Variants in PDE4D observed in about 807,000 individuals in gnomAD.
The protein encoded by PDE4D is phosphodiesterase 4D, also known as 3',5'-cyclic-AMP phosphodiesterase 4D.
In PDE4D, 24 loss-of-function variants were observed where a neutral mutation model predicts 87.4. That is an observed-to-expected ratio of 0.27 (90% CI 0.20 to 0.39). PDE4D has a LOEUF of 0.39. Ranked by LOEUF, PDE4D falls within the 10% of genes least tolerant of loss-of-function variation. The pLI is 1.00. For missense variants in PDE4D, 714 were observed against 1,041.0 expected (o/e 0.69, Z 4.32); for synonymous variants, 384 against 383.2 (o/e 1.00, Z -0.02).
intron 2 of PDE4D, among the ~76,000 whole-genome samples, chr5:60,037,696 G>C (rs900012692): frequency 1.3e-5 from 2 of 152,162 alleles, no homozygotes; most frequent in African/African-American, 4.8e-5. Context: ...AGGGAGACAG[G>C]TAGCACATCT....
intron 1 of PDE4D, among the ~76,000 whole-genome samples, chr5:59,540,597 T>C (rs770699989): frequency 1.3e-5 from 2 of 152,124 alleles, no homozygotes; most frequent in Admixed American, 6.5e-5. Context: ...CCTGGAACAA[T>C]GAGGGCCCAC....
chr5:60,060,166 G>A (rs2152886981), intron 2 of PDE4D, among the ~76,000 whole-genome samples: 1 of 152,046 alleles, frequency 6.6e-6, no homozygotes, highest in East Asian at 1.9e-4. Context: ...CCATCACAAA[G>A]TTCTCTCTCT....
At chr5:60,062,497 GAC>G (rs1453400278) in intron 2 of PDE4D, among the ~76,000 whole-genome samples, 1 of 152,162 alleles carries the variant, frequency 6.6e-6, no homozygotes, top group African/African-American at 2.4e-5. Context: ...CATTGTGGAA[GAC>G]AGTGTGGCAA....
chr5:59,767,850 A>G (rs1368338643), intron 1 of PDE4D, among the ~76,000 whole-genome samples: 1 of 152,034 alleles, frequency 6.6e-6, no homozygotes, highest in Admixed American at 6.6e-5. Context: ...GCAAACTATG[A>G]TTTTCCTCCC....
intron 6 of PDE4D, among the ~76,000 whole-genome samples, chr5:58,997,448 T>C (rs1398639401): frequency 6.6e-6 from 1 of 152,166 alleles, no homozygotes; most frequent in Non-Finnish European, 1.5e-5. Context: ...TTAAAGCTAA[T>C]ACAATGTATT....
At chr5:60,423,922 A>T (rs1583709337) in intron 1 of PDE4D, among the ~76,000 whole-genome samples, 1 of 152,214 alleles carries the variant, frequency 6.6e-6, no homozygotes, top group East Asian at 1.9e-4. Flanking sequence ...TACACAAATA[A>T]ACTAGAAAAT....
At chr5:59,011,494 T>C (rs1164281919) in intron 6 of PDE4D, among the ~76,000 whole-genome samples, 1 of 152,182 alleles carries the variant, frequency 6.6e-6, no homozygotes, top group Non-Finnish European at 1.5e-5. Context: ...AACTACATGA[T>C]GCATTCACAA....
chr5:60,127,735 C>A, intron 2 of PDE4D: 1 of 560,158 alleles, frequency 1.8e-6, no homozygotes, highest in Non-Finnish European at 3.2e-6. Context: ...TAAAATGCCT[C>A]TGAAACACTC....
At chr5:59,141,634 T>A (rs1777900292) in intron 5 of PDE4D, among the ~76,000 whole-genome samples, 2 of 152,182 alleles carry the variant, frequency 1.3e-5, no homozygotes, top group Admixed American at 1.3e-4. Flanking sequence ...ATTTGAAACA[T>A]CTCTTCTGTC....
At chr5:59,207,174 G>A (rs891188551) in intron 2 of PDE4D, among the ~76,000 whole-genome samples, 1 of 151,948 alleles carries the variant, frequency 6.6e-6, no homozygotes, top group Non-Finnish European at 1.5e-5. Context: ...ATAATAGAGT[G>A]AGACTCTGTC....
At chr5:60,078,306 T>C (rs1533020) in intron 2 of PDE4D, among the ~76,000 whole-genome samples, 75,414 of 152,040 alleles carry the variant, frequency 0.5, 19,154 homozygotes, top group East Asian at 0.83. Flanking sequence ...CTAATATAGG[T>C]ATTTATCACT....
At chr5:60,199,237 A>G (rs955992392) in intron 1 of PDE4D, among the ~76,000 whole-genome samples, 4 of 151,756 alleles carry the variant, frequency 2.6e-5, no homozygotes, top group African/African-American at 7.2e-5. Flanking sequence ...AAGGCTCTGA[A>G]TATAGAGAAA....
chr5:60,043,740 T>C (rs1768806711), intron 2 of PDE4D, among the ~76,000 whole-genome samples: 1 of 152,196 alleles, frequency 6.6e-6, no homozygotes, highest in Non-Finnish European at 1.5e-5. Flanking sequence ...TTCTTTTCTT[T>C]ACGTAGATTT....
At chr5:59,397,171 C>G (rs1336555843) in intron 1 of PDE4D, among the ~76,000 whole-genome samples, 2 of 117,404 alleles carry the variant, frequency 1.7e-5, no homozygotes, top group African/African-American at 3.4e-5. Context: ...GACAGATCAA[C>G]GAGACAGAAA....
At chr5:59,563,521 G>C (rs76777355) in intron 1 of PDE4D, among the ~76,000 whole-genome samples, 7 of 152,236 alleles carry the variant, frequency 4.6e-5, no homozygotes, top group Admixed American at 4.6e-4. Flanking sequence ...GTGACCATTA[G>C]TGAGTGGTCA....
At chr5:60,253,246 G>T (rs1024236410) in intron 1 of PDE4D, among the ~76,000 whole-genome samples, 1 of 151,842 alleles carries the variant, frequency 6.6e-6, no homozygotes. Context: ...TTGCCCTAGA[G>T]AATCTGAGTA....
Position 60,047,457 on chromosome 5 carries a change from G to A in PDE4D, c.43-58740C>T, listed in dbSNP as rs564889119. Among the ~76,000 whole-genome samples, 94 of 152,260 alleles carry A rather than the reference G, an allele frequency of 6.2e-4. 1 individual carries two copies. The Middle Eastern group carries it at 0.041, about 66-fold the overall frequency. On this transcript the variant is annotated intron_variant, in intron 2 of 16. Transcript: ENST00000502484. Reference sequence around the variant, plus strand: ...CTTTTCTAGTTCTTTTAATTGTGATGTTAGGGTGTCCATTTTAGATCTTTC... The same window carrying A: ...CTTTTCTAGTTCTTTTAATTGTGATATTAGGGTGTCCATTTTAGATCTTTC...
chr5:60,125,367 G>C (rs1331507051), intron 2 of PDE4D, among the ~76,000 whole-genome samples: 3 of 152,132 alleles, frequency 2.0e-5, no homozygotes, highest in African/African-American at 7.2e-5. Flanking sequence ...AATATATCCA[G>C]ATCTTATCTT....
intron 11 of PDE4D, among the ~76,000 whole-genome samples, chr5:58,978,922 A>G (rs796845405): frequency 2.6e-5 from 4 of 152,288 alleles, no homozygotes; most frequent in African/African-American, 7.2e-5. Context: ...TTGTATTTCT[A>G]CAGTGGAATC....
Sources: allele counts gnomAD v4.1 joint callset (sites outside exome capture counted in the v4.1 genomes callset), GRCh38; gene constraint gnomAD v4.1.1; transcripts MANE v1.5; gene names NCBI Gene and HGNC (gene_info 2026-07-23, HGNC 2026-07-21).